Variants in FHIT observed in about 807,000 individuals in gnomAD.
The protein encoded by FHIT is fragile histidine triad diadenosine triphosphatase.
FHIT carries 19 observed loss-of-function variants against 17.9 expected under a neutral mutation model. The ratio of observed to expected loss-of-function variants is 1.06; its 90% confidence interval spans 0.74 to 1.56. The LOEUF (loss-of-function observed/expected upper bound fraction) is 1.56, where lower values mean the gene tolerates loss of function less well. FHIT is among the 40% of genes most tolerant of loss of function. The probability of loss-of-function intolerance (pLI) is 0.00; values close to 1 mark genes in which losing one functional copy is unlikely to be tolerated. For synonymous variants in FHIT, 81 were observed against 69.7 expected (o/e 1.16, Z -0.81); for missense variants, 248 against 189.2 (o/e 1.31, Z -1.82).
intron 7 of FHIT, among the ~76,000 whole-genome samples, chr3:59,992,972 T>G (rs1393983123): frequency 6.6e-6 from 1 of 152,090 alleles, no homozygotes; most frequent in East Asian, 1.9e-4. Flanking sequence ...ATTCTACCCG[T>G]AAGAAGTCCA....
At chr3:60,724,875 C>T (rs1158901293) in intron 4 of FHIT, among the ~76,000 whole-genome samples, 1 of 152,068 alleles carries the variant, frequency 6.6e-6, no homozygotes, top group Non-Finnish European at 1.5e-5. Context: ...TCTCAAACTC[C>T]TGGCCTCAAG....
intron 5 of FHIT, among the ~76,000 whole-genome samples, chr3:60,261,772 TCTC>T (rs139397841): frequency 0.075 from 11,412 of 151,902 alleles, 589 homozygotes; most frequent in Non-Finnish European, 0.11. Context: ...TTCCTGCCCT[TCTC>T]CTCTGAAGCA....
chr3:60,263,746 T>C (rs1706423388), intron 5 of FHIT, among the ~76,000 whole-genome samples: 1 of 151,924 alleles, frequency 6.6e-6, no homozygotes, highest in South Asian at 2.1e-4. Context: ...ATCCACAGTG[T>C]ATGTAAATTT....
At chr3:60,633,874 G>T (rs2039510831) in intron 4 of FHIT, among the ~76,000 whole-genome samples, 1 of 152,218 alleles carries the variant, frequency 6.6e-6, no homozygotes, top group Non-Finnish European at 1.5e-5. Context: ...CCAGGGAAAG[G>T]TTTCAGACCC....
At chr3:59,768,556 A>G (rs541647389) in intron 8 of FHIT, among the ~76,000 whole-genome samples, 1 of 152,286 alleles carries the variant, frequency 6.6e-6, no homozygotes, top group South Asian at 2.1e-4. Flanking sequence ...CTTCCACTCT[A>G]TAGGTTTCCT....
chr3:60,073,659 C>G (rs1369373774), intron 5 of FHIT, among the ~76,000 whole-genome samples: 1 of 152,098 alleles, frequency 6.6e-6, no homozygotes, highest in African/African-American at 2.4e-5. Context: ...TCTATTTTCT[C>G]ATGATCTACC....
chr3:60,826,579 G>A (rs1461500229), intron 3 of FHIT, among the ~76,000 whole-genome samples: 5 of 152,298 alleles, frequency 3.3e-5, no homozygotes, highest in African/African-American at 1.2e-4. Flanking sequence ...TCAAAACTAT[G>A]TTTTAATAAT....
At chr3:59,754,697 G>GTCTGTTATTGTCATATGCC (rs1701111961) in intron 8 of FHIT, among the ~76,000 whole-genome samples, 3 of 152,172 alleles carry the variant, frequency 2.0e-5, no homozygotes, top group African/African-American at 7.2e-5. Flanking sequence ...TTAGGCAACC[G>GTCTGTTATTGTCATATGCC]TCTGTTATTG....
At chr3:60,739,345 T>A (rs935247627) in intron 4 of FHIT, among the ~76,000 whole-genome samples, 1 of 152,164 alleles carries the variant, frequency 6.6e-6, no homozygotes, top group African/African-American at 2.4e-5. Flanking sequence ...AAAAGAGCAT[T>A]GTAACACTGG....
chr3:59,948,263 G>T lies in FHIT; in HGVS notation c.280-25849C>A, dbSNP rs551045064. ...ATCACACATGTAATCCCAGCACTTT[G>T]GGAGGCCAACGTGGGTAGATCATAA... is the stretch of plus-strand genomic sequence containing the variant. On this transcript the variant is annotated intron_variant, in intron 7 of 9. Transcript: ENST00000492590. Among the ~76,000 whole-genome samples, 3 of 151,688 alleles carry T rather than the reference G, an allele frequency of 2.0e-5. No homozygotes were observed. The South Asian group carries it at 6.3e-4, about 32-fold the overall frequency.
intron 3 of FHIT, among the ~76,000 whole-genome samples, chr3:60,939,382 A>G (rs1553773936): frequency 6.6e-6 from 1 of 152,170 alleles, no homozygotes; most frequent in East Asian, 1.9e-4. Context: ...AGTTGTGACC[A>G]TACTACCAAA....
chr3:60,633,412 A>G (rs2039498685), intron 4 of FHIT, among the ~76,000 whole-genome samples: 1 of 152,168 alleles, frequency 6.6e-6, no homozygotes, highest in African/African-American at 2.4e-5. Flanking sequence ...CACAGTAAAC[A>G]CACAATAAGT....
chr3:60,697,854 C>T (rs1255443032), intron 4 of FHIT, among the ~76,000 whole-genome samples: 4 of 152,088 alleles, frequency 2.6e-5, no homozygotes, highest in Admixed American at 2.6e-4. Context: ...AGGAGAGTTT[C>T]AAGTCAAAAA....
At chr3:59,974,949 T>A (rs533195474) in intron 7 of FHIT, among the ~76,000 whole-genome samples, 1 of 152,274 alleles carries the variant, frequency 6.6e-6, no homozygotes, top group African/African-American at 2.4e-5. Flanking sequence ...TTATATTCAG[T>A]GCCAATGCCC....
chr3:60,813,097 T>C (rs1553736572), intron 4 of FHIT, among the ~76,000 whole-genome samples: 1 of 151,880 alleles, frequency 6.6e-6, no homozygotes, highest in East Asian at 1.9e-4. Flanking sequence ...CCTTCATAAA[T>C]GGATTAACAT....
chr3:59,945,424 T>C (rs1194832872), intron 7 of FHIT, among the ~76,000 whole-genome samples: 3 of 152,174 alleles, frequency 2.0e-5, no homozygotes, highest in African/African-American at 7.2e-5. Flanking sequence ...TCTTATACTT[T>C]TGTCAGATGC....
At chr3:60,185,450 T>C (rs1486799712) in intron 5 of FHIT, among the ~76,000 whole-genome samples, 46 of 152,216 alleles carry the variant, frequency 3.0e-4, no homozygotes, top group Non-Finnish European at 1.0e-4. Flanking sequence ...CTATGTATAG[T>C]TCATTCCTTT....
intron 5 of FHIT, among the ~76,000 whole-genome samples, chr3:60,145,726 TC>T (rs1386214203): frequency 2.0e-5 from 3 of 152,176 alleles, no homozygotes; most frequent in African/African-American, 7.2e-5. Context: ...CTTATCCTGG[TC>T]CCCTTTATCT....
intron 2 of FHIT, among the ~76,000 whole-genome samples, chr3:61,106,397 G>C (rs549014468): frequency 1.3e-5 from 2 of 152,120 alleles, no homozygotes; most frequent in East Asian, 3.9e-4. Context: ...CTATAAAATA[G>C]ATCTCCAGAA....
Sources: allele counts gnomAD v4.1 joint callset (sites outside exome capture counted in the v4.1 genomes callset), GRCh38; gene constraint gnomAD v4.1.1; transcripts MANE v1.5; gene names NCBI Gene and HGNC (gene_info 2026-07-23, HGNC 2026-07-21).